Variants in NRTN observed in about 807,000 individuals in gnomAD.
NRTN encodes neurturin.
A neutral mutation model predicts 7.5 loss-of-function variants in NRTN; 3 were observed. That is an observed-to-expected ratio of 0.40 (90% CI 0.18 to 1.03). NRTN has a LOEUF of 1.03. Among genes scored for constraint, NRTN ranks in the 50% least tolerant of loss-of-function variants. The pLI, the probability that NRTN is intolerant of heterozygous loss-of-function variation, is 0.34. For missense variants in NRTN, 310 were observed against 307.0 expected, an observed-to-expected ratio of 1.01 and a Z score of -0.07; for synonymous variants, 157 against 146.6, an observed-to-expected ratio of 1.07 and a Z score of -0.51.
At chr19:5,810,265 CAAAA>C (rs756539290) in intron 1 of NRTN, among the ~76,000 whole-genome samples, 1 of 89,680 alleles carries the variant, frequency 1.1e-5, no homozygotes. Context: ...GACTCTGTCT[CAAAA>C]AAAAAAAAAA....
At chr19:5,811,735 G>C (rs2056991211) in intron 1 of NRTN, among the ~76,000 whole-genome samples, 4 of 150,102 alleles carry the variant, frequency 2.7e-5, no homozygotes. Flanking sequence ...ATTTTCAGTA[G>C]AGATGGAGTT....
intron 1 of NRTN, among the ~76,000 whole-genome samples, chr19:5,814,777 G>A (rs2057000004): frequency 6.6e-6 from 1 of 152,170 alleles, no homozygotes; most frequent in South Asian, 2.1e-4. Context: ...TTCCCCAGCT[G>A]TGGGGATTGT....
At chr19:5,820,856 T>A (rs1210412947) in intron 1 of NRTN, among the ~76,000 whole-genome samples, 1 of 151,446 alleles carries the variant, frequency 6.6e-6, no homozygotes, top group South Asian at 2.1e-4. Context: ...GTCCTTCCCA[T>A]GGCCCACACG....
chr19:5,822,864 T>G (rs574671270), intron 1 of NRTN, among the ~76,000 whole-genome samples: 1 of 151,440 alleles, frequency 6.6e-6, no homozygotes, highest in Non-Finnish European at 1.5e-5. Flanking sequence ...ACAAAAAAAA[T>G]TAAAAATTAG....
chr19:5,810,673 C>T (rs1466538761), intron 1 of NRTN, among the ~76,000 whole-genome samples: 2 of 152,066 alleles, frequency 1.3e-5, no homozygotes, highest in African/African-American at 4.8e-5. Context: ...GTGGCTCGTG[C>T]CTGTAATCCC....
rs374788415 is a variant in NRTN at position 5,824,154 on chromosome 19, C to T, written c.-12C>T. On this transcript the variant is annotated 5_prime_UTR_variant, in exon 2 of 3. Coordinates refer to ENST00000303212, the MANE Select transcript of NRTN (RefSeq NM_004558.5). The stretch of plus-strand genomic sequence containing the variant: ...GGCGTGCGGCTGACCATCCCGTGCC[C>T]GCAGGCTGAGGATGCAGCGCTGGAA... 3.2e-5 allele frequency: 51 copies of T among 1,605,222 alleles called. No individual in the cohort carries two copies. In the South Asian group the frequency reaches 3.8e-4, roughly 12 times the overall value.
intron 1 of NRTN, among the ~76,000 whole-genome samples, chr19:5,815,440 T>TC (rs1430869109): frequency 6.6e-6 from 1 of 150,918 alleles, no homozygotes; most frequent in African/African-American, 2.4e-5. Context: ...TTTTTTTTTT[T>TC]TTTTTTTTGG....
intron 1 of NRTN, among the ~76,000 whole-genome samples, chr19:5,814,166 G>T (rs1371298203): frequency 6.6e-6 from 1 of 152,074 alleles, no homozygotes; most frequent in Non-Finnish European, 1.5e-5. Context: ...AATTCTCAAA[G>T]TCAGCCCTGT....
intron 1 of NRTN, among the ~76,000 whole-genome samples, chr19:5,811,382 T>C (rs1568396347): frequency 6.6e-6 from 1 of 152,206 alleles, no homozygotes; most frequent in African/African-American, 2.4e-5. Flanking sequence ...CTTAGGTTGT[T>C]TGAATCTGAG....
chr19:5,820,528 T>C (rs2057020406), intron 1 of NRTN, among the ~76,000 whole-genome samples: 2 of 141,366 alleles, frequency 1.4e-5, no homozygotes, highest in Admixed American at 1.5e-4. Context: ...ATCGCGCCAC[T>C]ACACTCAGCC....
chr19:5,816,662 G>A (rs1311838602), intron 1 of NRTN, among the ~76,000 whole-genome samples: 6 of 151,964 alleles, frequency 3.9e-5, no homozygotes, highest in Non-Finnish European at 7.4e-5. Flanking sequence ...GATTACAGAC[G>A]TGAGCCACCG....
At position 5,824,035 on chromosome 19, in the gene NRTN, T is replaced by C; in HGVS notation, c.-131T>C. 1.7e-6 allele frequency: 2 copies of C among 1,179,306 alleles called. No individual in the cohort carries two copies. The highest frequency in any genetic ancestry group is 2.5e-6 in the Non-Finnish European group (2 of 814,236). The allele number at this position is 1,179,306 out of a possible 1,614,324, so 73.1% of individuals were successfully genotyped here. A position where few individuals can be genotyped will look rare whatever the true frequency, so the allele number is the denominator to read the frequency against. ...TCCTTGAGGGACCATTCCCATGTGA[T>C]TATCGACCATTCGGCAGGCGTTCAA... On this transcript the variant is annotated 5_prime_UTR_variant, in exon 2 of 3. Coordinates refer to ENST00000303212, the MANE Select transcript of NRTN (RefSeq NM_004558.5).
chr19:5,811,780 G>A (rs1039256963), intron 1 of NRTN, among the ~76,000 whole-genome samples: 108 of 151,594 alleles, frequency 7.1e-4, no homozygotes, highest in African/African-American at 2.6e-3. Flanking sequence ...CGAACTCCTG[G>A]CCTAAAGTGA....
intron 1 of NRTN, among the ~76,000 whole-genome samples, chr19:5,823,023 CA>C (rs1298204482): frequency 1.9e-5 from 2 of 107,634 alleles, no homozygotes; most frequent in Non-Finnish European, 3.8e-5. Context: ...GACCCTGTCT[CA>C]AAAAAAAAGA....
chr19:5,808,673 T>A (rs2056980840), intron 1 of NRTN, among the ~76,000 whole-genome samples: 1 of 151,594 alleles, frequency 6.6e-6, no homozygotes, highest in Admixed American at 6.6e-5. Flanking sequence ...GCTGGTCATC[T>A]CGAACAGGCA....
At chr19:5,817,812 C>T (rs373025465) in intron 1 of NRTN, among the ~76,000 whole-genome samples, 1 of 151,914 alleles carries the variant, frequency 6.6e-6, no homozygotes, top group Non-Finnish European at 1.5e-5. Context: ...TGTTTTGTTT[C>T]GTTTCCAGAC....
rs749709612 is a variant in NRTN at position 5,828,033 on chromosome 19, C to A, written c.454C>A (p.Arg152=). The A allele has an allele frequency of 7.1e-7, 1 of 1,414,302 alleles. No individual in the cohort carries two copies. Among genetic ancestry groups the A allele is most frequent in the South Asian group, 1.5e-5 (1 of 66,374 alleles). 87.6% of individuals were successfully genotyped at this position (1,414,302 alleles called of 1,614,324 possible). A position where few individuals can be genotyped will look rare whatever the true frequency, so the allele number is the denominator to read the frequency against. The part of the protein sequence containing the change: ...DLGLRRLRQR[R]RLRRERVRAQ... ...CGGGCTGCGACGACTGCGCCAGCGGCGGCGCCTGCGGCGGGAGCGGGTGCG... is the reference window on the plus strand; with the variant it reads ...CGGGCTGCGACGACTGCGCCAGCGGAGGCGCCTGCGGCGGGAGCGGGTGCG... Residue 152 remains arginine (R), a synonymous_variant, in exon 3 of 3, where the codon CGG becomes AGG. Coordinates refer to ENST00000303212, the MANE Select transcript of NRTN (RefSeq NM_004558.5).
chr19:5,821,166 A>G (rs992249479), intron 1 of NRTN, among the ~76,000 whole-genome samples: 4 of 152,096 alleles, frequency 2.6e-5, no homozygotes, highest in African/African-American at 9.7e-5. Context: ...CACTGATTGT[A>G]TACTAAGCCC....
chr19:5,812,130 T>C (rs1446405409), intron 1 of NRTN, among the ~76,000 whole-genome samples: 1 of 151,426 alleles, frequency 6.6e-6, no homozygotes, highest in Non-Finnish European at 1.5e-5. Flanking sequence ...CTCGGCCTCC[T>C]AAGTGCTGGG....
Sources: gnomAD v4.1 joint callset for allele counts (sites outside exome capture counted in the v4.1 genomes callset) on GRCh38, gnomAD v4.1.1 for gene constraint, MANE v1.5 for transcripts, NCBI Gene and HGNC (gene_info 2026-07-23, HGNC 2026-07-21) for gene names.